The following CATSPERG variants were observed in gnomAD, a reference collection of about 807,000 sequenced individuals.
The protein encoded by CATSPERG is cation channel sperm-associated auxiliary subunit gamma.
Under a neutral mutation model 145.0 loss-of-function variants are expected in CATSPERG, and 115 were observed. The observed-to-expected ratio is 0.79, with a 90% CI of 0.68 to 0.93. The LOEUF (loss-of-function observed/expected upper bound fraction) is 0.93. Ranked by LOEUF, CATSPERG falls within the 40% of genes least tolerant of loss-of-function variation. The probability of loss-of-function intolerance (pLI) is 0.00; values close to 1 mark genes in which losing one functional copy is unlikely to be tolerated. For synonymous variants in CATSPERG, 588 were observed against 589.0 expected (o/e 1.00, Z 0.02); for missense variants, 1,296 against 1,490.1 (o/e 0.87, Z 2.14).
chr19:38,346,042 G>A (rs1049875413), intron 6 of CATSPERG, among the ~76,000 whole-genome samples: 1 of 152,154 alleles, frequency 6.6e-6, no homozygotes, highest in Non-Finnish European at 1.5e-5. Flanking sequence ...GGCGGTAAGC[G>A]CTCTGGAGAG....
chr19:38,361,739 G>A lies in CATSPERG; in HGVS notation c.1972G>A (p.Glu658Lys), dbSNP rs1412594990. The A allele has an allele frequency of 1.2e-6, 2 of 1,612,874 alleles. No individual in the cohort carries two copies. Among genetic ancestry groups the A allele is most frequent in the African/African-American group, 2.7e-5 (2 of 75,032 alleles). The change falls in exon 17 of 29, where the codon GAG becomes AAG. Residue 658 changes from glutamate (E) to lysine (K), a missense_variant. By Grantham distance (56) the Glu-to-Lys change is moderately conservative. Coordinates refer to ENST00000409235, the MANE Select transcript of CATSPERG (RefSeq NM_021185.5). ...CAGTCCGCAGAGATACACGCGCCAGGAGCGCTACCGGGCGCGGCCGCCGCG... is the reference window on the plus strand; with the variant it reads ...CAGTCCGCAGAGATACACGCGCCAGAAGCGCTACCGGGCGCGGCCGCCGCG... ...LPSPQRYTRQ[E>K]RYRARPPRVL...
At chr19:38,360,702 G>C (rs992956668) in intron 15 of CATSPERG, 29 bp from the exon 16 acceptor site, 1 of 1,613,996 alleles carries the variant, frequency 6.2e-7, no homozygotes, top group African/African-American at 1.3e-5. Context: ...GCTGACCCCA[G>C]CTCACCTGGC....
chr19:38,339,653 T>C (rs1969904230), intron 3 of CATSPERG, among the ~76,000 whole-genome samples: 1 of 152,042 alleles, frequency 6.6e-6, no homozygotes, highest in African/African-American at 2.4e-5. Flanking sequence ...TTTTCTTTTT[T>C]TTGCTTGTGT....
At chr19:38,366,701 C>CT (rs1215972834) in intron 22 of CATSPERG, 1,440 of 136,320 alleles carry the variant, frequency 0.011, 25 homozygotes, top group East Asian at 0.044. Flanking sequence ...GGCTCTCGGT[C>CT]TTTTTTTTTT....
rs1461854073 is a variant in CATSPERG, at chr19:38,362,483, G to A, written c.2265G>A (p.Pro755=). The A allele has an allele frequency of 6.2e-7, 1 of 1,613,942 alleles. No individual in the cohort carries two copies. Among genetic ancestry groups the A allele is most frequent in the Middle Eastern group, 1.6e-4 (1 of 6,062 alleles). ...ACCTCGAGTCCGCGTACGAGCTGCC[G>A]GAGCGCATTTTCCTGGACAAGGGCA... ...IYNLESAYEL[P]ERIFLDKGTE... The change falls in exon 19 of 29, where the codon CCG becomes CCA. Residue 755 remains proline (P), a synonymous_variant. Coordinates refer to ENST00000409235, the MANE Select transcript of CATSPERG (RefSeq NM_021185.5).
Position 38,365,080 on chromosome 19 carries a change from T to C in CATSPERG, c.2576T>C (p.Leu859Pro). ...CCACAGGTGGTGGGTTCATCCGGGC[T>C]CTGCTTCCAGGAAACACACCTGGGG... Reference protein sequence around the residue: ...MTVNVVGSSGLCFQETHLGPH... With the variant: ...MTVNVVGSSGPCFQETHLGPH... Residue 859 changes from leucine to proline, a missense_variant, in exon 22 of 29, where the codon CTC becomes CCC. Physicochemically the swap from Leu to Pro is moderately conservative, Grantham distance 98. Transcript: ENST00000409235. 3 of 1,613,930 alleles carry C rather than the reference T, an allele frequency of 1.9e-6. No homozygotes were observed. The highest frequency in any genetic ancestry group is 2.5e-6 in the Non-Finnish European group (3 of 1,180,002).
chr19:38,367,454 C>T, intron 23 of CATSPERG, 55 bp from the exon 24 acceptor site: 1 of 1,586,302 alleles, frequency 6.3e-7, no homozygotes, highest in Admixed American at 1.7e-5. Flanking sequence ...CGGTCCTCAG[C>T]TTCTCGGGCC....
chr19:38,344,904 T>A (rs1401098794), intron 6 of CATSPERG, among the ~76,000 whole-genome samples: 1,046 of 102,420 alleles, frequency 0.01, 78 homozygotes, highest in East Asian at 0.014. Context: ...TATATATATT[T>A]TTTTTTTTTT....
intron 7 of CATSPERG, among the ~76,000 whole-genome samples, chr19:38,350,064 G>A (rs1038517740): frequency 2.0e-5 from 3 of 152,140 alleles, no homozygotes; most frequent in African/African-American, 7.2e-5. Context: ...TCTGTATGAT[G>A]GCAGCCACTG....
intron 26 of CATSPERG, chr19:38,369,464 T>C (rs1484271700): frequency 1.9e-5 from 4 of 206,286 alleles, no homozygotes; most frequent in Non-Finnish European, 4.1e-5. Context: ...TTTCACCATA[T>C]TGGTCAGTCT....
Position 38,370,861 on chromosome 19 carries a change from C to G in CATSPERG, c.*69C>G. The G allele has an allele frequency of 6.6e-7, 1 of 1,517,770 alleles. No individual in the cohort carries two copies. Among genetic ancestry groups the G allele is most frequent in the East Asian group, 2.3e-5 (1 of 44,088 alleles). 94.0% of individuals were successfully genotyped at this position (1,517,770 alleles called of 1,614,324 possible). ...TATGAGGCCCATCTTGAAGATGCAA[C>G]CTGTCACCCAGCCCAGGCCTCTCTT... On this transcript the variant is annotated 3_prime_UTR_variant, in exon 29 of 29. Coordinates refer to ENST00000409235, the MANE Select transcript of CATSPERG (RefSeq NM_021185.5).
At position 38,366,935 on chromosome 19, in the gene CATSPERG, C is replaced by T. The variant is rs1018056141; in HGVS notation, c.2614-221C>T. On this transcript the variant is annotated intron_variant, in intron 22 of 28. Transcript: ENST00000409235. ...TCTCGAACTCCTGGACTCAAGTGATCAGCCCGCCTCGGCCTCCCGAAGTTC... is the reference window on the plus strand; with the variant it reads ...TCTCGAACTCCTGGACTCAAGTGATTAGCCCGCCTCGGCCTCCCGAAGTTC... 12 of 545,302 alleles carry T rather than the reference C, an allele frequency of 2.2e-5. No individual in the cohort carries two copies. The East Asian group carries it at 3.4e-4, about 15-fold the overall frequency. The allele number at this position is 545,302 out of a possible 1,614,324, so 33.8% of individuals were successfully genotyped here.
At chr19:38,358,613 A>C (rs756934438) in intron 13 of CATSPERG, 52 bp downstream of exon 13, 3 of 1,608,720 alleles carry the variant, frequency 1.9e-6, no homozygotes, top group South Asian at 1.1e-5. Flanking sequence ...CTCCCCAGCA[A>C]CTTTACGGTG....
intron 8 of CATSPERG, among the ~76,000 whole-genome samples, chr19:38,353,696 CAAAAAAA>C (rs34301376): frequency 1.5e-4 from 9 of 60,342 alleles, no homozygotes; most frequent in African/African-American, 2.8e-4. Flanking sequence ...GATGCCATCT[CAAAAAAA>C]AAAAAAAAAA....
intron 16 of CATSPERG, among the ~76,000 whole-genome samples, chr19:38,361,242 G>T (rs1166517837): frequency 6.6e-6 from 1 of 152,084 alleles, no homozygotes; most frequent in East Asian, 1.9e-4. Flanking sequence ...GGGACTAAGG[G>T]AAAGGACTGC....
At chr19:38,358,383 A>G (rs1203164928) in intron 12 of CATSPERG, 49 bp from the exon 13 acceptor site, 1 of 1,614,120 alleles carries the variant, frequency 6.2e-7, no homozygotes, top group Non-Finnish European at 8.5e-7. Context: ...GGAGGGGCCC[A>G]GGTGACTCCA....
At chr19:38,352,794 G>A (rs1465095385) in intron 8 of CATSPERG, among the ~76,000 whole-genome samples, 2 of 151,412 alleles carry the variant, frequency 1.3e-5, no homozygotes, top group African/African-American at 4.9e-5. Context: ...AGGGAGAGGG[G>A]CATGGCAAAT....
chr19:38,349,557 CT>C (rs1970099306), intron 7 of CATSPERG: 1 of 152,434 alleles, frequency 6.6e-6, no homozygotes, highest in Non-Finnish European at 1.5e-5. Context: ...GAATCCTCCC[CT>C]GGCTCATGGT....
intron 7 of CATSPERG, among the ~76,000 whole-genome samples, chr19:38,349,789 C>G (rs1045850283): frequency 6.6e-6 from 1 of 152,008 alleles, no homozygotes; most frequent in Non-Finnish European, 1.5e-5. Context: ...CTCAGCCTCC[C>G]GAGGAGCTGG....
Sources: gnomAD v4.1 joint callset for allele counts (sites outside exome capture counted in the v4.1 genomes callset) on GRCh38, gnomAD v4.1.1 for gene constraint, MANE v1.5 for transcripts, NCBI Gene and HGNC (gene_info 2026-07-23, HGNC 2026-07-21) for gene names.